The following PTPRC variants were observed in gnomAD, a reference collection of about 807,000 sequenced individuals.
PTPRC encodes receptor-type tyrosine-protein phosphatase C.
PTPRC carries 44 observed loss-of-function variants against 155.9 expected under a neutral mutation model. That is an observed-to-expected ratio of 0.28 (90% CI 0.22 to 0.36). PTPRC has a LOEUF of 0.36. Ranked by LOEUF, PTPRC falls within the 10% of genes least tolerant of loss-of-function variation. The pLI is 1.00. For missense variants in PTPRC, 1,401 were observed against 1,564.6 expected (o/e 0.90, Z 1.76); for synonymous variants, 525 against 533.1 (o/e 0.98, Z 0.21).
chr1:198,750,235 CTT>C (rs745576354), intron 28 of PTPRC: 3 of 471,486 alleles, frequency 6.4e-6, no homozygotes, highest in East Asian at 8.2e-5. Flanking sequence ...AAATGTGTGT[CTT>C]TTGTGGAAAG....
intron 20 of PTPRC, 27 bp downstream of exon 20, chr1:198,732,583 T>C (rs1558028914): frequency 4.6e-6 from 7 of 1,505,546 alleles, no homozygotes; most frequent in East Asian, 2.3e-5. Context: ...ATTTTTCTTA[T>C]ACCTACATAT....
chr1:198,744,882 AC>A (rs1655069647), intron 26 of PTPRC, among the ~76,000 whole-genome samples: 2 of 151,742 alleles, frequency 1.3e-5, no homozygotes, highest in South Asian at 4.1e-4. Context: ...CACATGCAGA[AC>A]CATTTAATGT....
At chr1:198,701,581 C>G (rs745430660) in intron 5 of PTPRC, among the ~76,000 whole-genome samples, 5 of 152,074 alleles carry the variant, frequency 3.3e-5, no homozygotes, top group Non-Finnish European at 7.4e-5. Context: ...TGATGTTGGG[C>G]AAAGGTGTAA....
chr1:198,653,953 A>G (rs1016661929), intron 2 of PTPRC, among the ~76,000 whole-genome samples: 2 of 151,994 alleles, frequency 1.3e-5, no homozygotes, highest in South Asian at 4.1e-4. Context: ...CTAGGCCTCC[A>G]TTTTATGAAC....
chr1:198,685,944 AT>A (rs934212741), intron 2 of PTPRC, among the ~76,000 whole-genome samples: 3 of 147,068 alleles, frequency 2.0e-5, no homozygotes, highest in Admixed American at 6.8e-5. Flanking sequence ...ATAGCATCCC[AT>A]TTTTTTTTCT....
intron 4 of PTPRC, among the ~76,000 whole-genome samples, chr1:198,698,977 T>G (rs897416237): frequency 1.3e-5 from 2 of 152,228 alleles, no homozygotes; most frequent in African/African-American, 4.8e-5. Context: ...CATGTGAGAT[T>G]GTTTCCACAT....
intron 11 of PTPRC, chr1:198,712,749 A>G: frequency 5.1e-6 from 3 of 591,160 alleles, no homozygotes; most frequent in Non-Finnish European, 8.9e-6. Flanking sequence ...TAGGTTTCAC[A>G]GTGCCAATCT....
At chr1:198,701,409 A>G (rs1444984635) in intron 5 of PTPRC, among the ~76,000 whole-genome samples, 1 of 152,176 alleles carries the variant, frequency 6.6e-6, no homozygotes, top group Non-Finnish European at 1.5e-5. Context: ...ACATCATTGA[A>G]CTGATGACCC....
chr1:198,643,562 T>C (rs1662763981), intron 2 of PTPRC, among the ~76,000 whole-genome samples: 1 of 151,908 alleles, frequency 6.6e-6, no homozygotes, highest in Non-Finnish European at 1.5e-5. Flanking sequence ...GTTTGTTTTT[T>C]CTTTGCTCCC....
rs1235794976 is a variant in PTPRC, at chr1:198,656,658, T to TG, written c.73+17317_73+17318insG. Among the ~76,000 whole-genome samples, 4 of 151,502 alleles carry TG rather than the reference T, an allele frequency of 2.6e-5. 1 individual carries two copies. Among genetic ancestry groups the TG allele is most frequent in the Non-Finnish European group, 5.9e-5 (4 of 67,868 alleles). On this transcript the variant is annotated intron_variant, in intron 2 of 32. Transcript: ENST00000442510. ...CTACTAGTTTTTTGTTTTTTGTTTT[T>TG]TTTTTTTTTGTCATACATTACTGCA...
intron 2 of PTPRC, among the ~76,000 whole-genome samples, chr1:198,654,373 A>T (rs530967716): frequency 8.1e-4 from 123 of 151,900 alleles, no homozygotes; most frequent in Non-Finnish European, 1.4e-3. Context: ...GTGGATTGAA[A>T]CAACAATGTG....
At chr1:198,690,441 G>GTACAAACA in intron 2 of PTPRC, among the ~76,000 whole-genome samples, 1 of 151,336 alleles carries the variant, frequency 6.6e-6, no homozygotes, top group Non-Finnish European at 1.5e-5. Context: ...AGGGACAAAA[G>GTACAAACA]TACAAACAAT....
chr1:198,729,518 TA>T (rs1368211004), intron 17 of PTPRC, among the ~76,000 whole-genome samples: 17 of 152,116 alleles, frequency 1.1e-4, no homozygotes, highest in African/African-American at 4.1e-4. Flanking sequence ...GCTGGGATTA[TA>T]GGCATGAACC....
intron 3 of PTPRC, among the ~76,000 whole-genome samples, chr1:198,695,380 A>AT (rs1666147538): frequency 1.4e-5 from 2 of 145,976 alleles, no homozygotes; most frequent in East Asian, 2.0e-4. Flanking sequence ...TAAATATTTA[A>AT]ATTTTTTTTT....
At chr1:198,688,844 T>C (rs12059088) in intron 2 of PTPRC, among the ~76,000 whole-genome samples, 2,539 of 152,258 alleles carry the variant, frequency 0.017, 65 homozygotes, top group African/African-American at 0.058. Flanking sequence ...GGACGCCTGA[T>C]GAATGAGAGC....
intron 2 of PTPRC, among the ~76,000 whole-genome samples, chr1:198,658,348 A>C (rs958268206): frequency 1.3e-5 from 2 of 152,182 alleles, no homozygotes; most frequent in African/African-American, 4.8e-5. Context: ...ATCTGATAGT[A>C]AAAATGGCAA....
intron 2 of PTPRC, among the ~76,000 whole-genome samples, chr1:198,653,020 A>C (rs1487606816): frequency 1.3e-5 from 2 of 151,864 alleles, no homozygotes; most frequent in Non-Finnish European, 2.9e-5. Flanking sequence ...AAATACCTTT[A>C]GTTGTCAAAT....
At chr1:198,724,670 T>C (rs2102463722) in intron 15 of PTPRC, among the ~76,000 whole-genome samples, 1 of 147,306 alleles carries the variant, frequency 6.8e-6, no homozygotes, top group South Asian at 2.2e-4. Context: ...TCTAATTCCA[T>C]CCTGATTCTC....
At chr1:198,708,382 T>C in intron 10 of PTPRC, 121 bp downstream of exon 10, 2 of 972,302 alleles carry the variant, frequency 2.1e-6, no homozygotes, top group South Asian at 3.5e-5. Flanking sequence ...CTCCCTCTGT[T>C]TGTCTTTTTT....
Sources: gnomAD v4.1 joint callset for allele counts (sites outside exome capture counted in the v4.1 genomes callset) on GRCh38, gnomAD v4.1.1 for gene constraint, MANE v1.5 for transcripts, NCBI Gene and HGNC (gene_info 2026-07-23, HGNC 2026-07-21) for gene names.